Variants in ZGPAT observed in about 807,000 individuals in gnomAD.
ZGPAT encodes the protein zinc finger CCCH-type and G-patch domain containing, also known as zinc finger CCCH-type with G patch domain-containing protein.
In ZGPAT, 39 loss-of-function variants were observed where a neutral mutation model predicts 47.9. That is an observed-to-expected ratio of 0.81 (90% CI 0.63 to 1.06). The LOEUF is 1.06. Ranked by LOEUF, ZGPAT falls within the 50% of genes least tolerant of loss-of-function variation. The pLI is 0.00. For missense variants in ZGPAT, 717 were observed against 681.4 expected, an observed-to-expected ratio of 1.05 and a Z score of -0.58; for synonymous variants, 348 against 292.9, an observed-to-expected ratio of 1.19 and a Z score of -1.92.
chr20:63,733,105 C>CGT, intron 2 of ZGPAT, 114 bp from the exon 3 acceptor site: 1 of 1,387,608 alleles, frequency 7.2e-7, no homozygotes, highest in African/African-American at 1.4e-5. Context: ...TATACGCACG[C>CGT]GTGTGTGTCT....
intron 2 of ZGPAT, among the ~76,000 whole-genome samples, chr20:63,718,451 G>A (rs1050518208): frequency 3.3e-5 from 5 of 151,702 alleles, no homozygotes; most frequent in African/African-American, 1.2e-4. Context: ...TCCCACCTCA[G>A]CCTTCCCAGT....
At chr20:63,713,928 C>G (rs1458324384) in intron 2 of ZGPAT, among the ~76,000 whole-genome samples, 3 of 150,278 alleles carry the variant, frequency 2.0e-5, no homozygotes, top group Non-Finnish European at 4.4e-5. Context: ...GTATTGATTG[C>G]TGAATTGGTT....
At chr20:63,718,231 A>G (rs1052345756) in intron 2 of ZGPAT, among the ~76,000 whole-genome samples, 2 of 151,964 alleles carry the variant, frequency 1.3e-5, no homozygotes, top group African/African-American at 2.4e-5. Flanking sequence ...CATTGATCTC[A>G]AGACATCCTA....
chr20:63,709,312 C>T (rs947408189), intron 2 of ZGPAT, 148 bp downstream of exon 2: 2 of 864,482 alleles, frequency 2.3e-6, no homozygotes, highest in Middle Eastern at 3.4e-4. Flanking sequence ...TGTGTTCAGG[C>T]GTCTACGTCT....
At chr20:63,713,367 A>C (rs2091690746) in intron 2 of ZGPAT, among the ~76,000 whole-genome samples, 1 of 151,924 alleles carries the variant, frequency 6.6e-6, no homozygotes, top group Non-Finnish European at 1.5e-5. Context: ...AGTCGCTGGG[A>C]ATACAGGTGC....
At chr20:63,721,347 G>T (rs963465545) in intron 2 of ZGPAT, among the ~76,000 whole-genome samples, 2 of 142,380 alleles carry the variant, frequency 1.4e-5, no homozygotes, top group East Asian at 2.4e-4. Context: ...GCGAGACTCT[G>T]TCTCAAATAA....
intron 2 of ZGPAT, among the ~76,000 whole-genome samples, chr20:63,718,949 C>G (rs548313929): frequency 3.4e-4 from 51 of 152,008 alleles, no homozygotes; most frequent in Middle Eastern, 6.8e-3. Flanking sequence ...GCCTGTAGTC[C>G]CAGCTACTCG....
Position 63,708,645 on chromosome 20 carries a change from T to A in ZGPAT, c.65T>A (p.Leu22Gln). 2 of 1,612,290 alleles carry A rather than the reference T, an allele frequency of 1.2e-6. No homozygotes were observed. Among genetic ancestry groups the A allele is most frequent in the Non-Finnish European group, 1.7e-6 (2 of 1,179,634 alleles). ...CGTGCGCAGCTGCAGCAGGTGGAGC[T>A]GGCCTTGGGCGCCGGCCTGGATTCG... ...TYRAQLQQVE[L>Q]ALGAGLDSSE... Residue 22 changes from leucine to glutamine, a missense_variant, in exon 2 of 7, where the codon CTG becomes CAG. By Grantham distance (113) the Leu-to-Gln change is moderately radical. Coordinates refer to ENST00000355969, the MANE Select transcript of ZGPAT (RefSeq NM_181485.3).
intron 2 of ZGPAT, among the ~76,000 whole-genome samples, chr20:63,709,623 C>T (rs1326528463): frequency 2.0e-5 from 3 of 151,998 alleles, no homozygotes; most frequent in African/African-American, 7.3e-5. Flanking sequence ...AGCAGCAGTG[C>T]AAGGCTTATG....
rs188750306 is a variant in ZGPAT, at chr20:63,736,024, C to T, written c.*105C>T. 33 of 1,490,994 alleles carry T rather than the reference C, an allele frequency of 2.2e-5. No individual in the cohort carries two copies. The highest frequency in any genetic ancestry group is 1.8e-4 in the Middle Eastern group (1 of 5,570). The allele number at this position is 1,490,994 out of a possible 1,614,324, so 92.4% of individuals were successfully genotyped here. The stretch of plus-strand genomic sequence containing the variant: ...GGCCGGCCTGCTGGCCTGGGGCGTG[C>T]AGACACTGCTGAGTGGAGACAGAGC... On this transcript the variant is annotated 3_prime_UTR_variant, in exon 7 of 7. Transcript: ENST00000355969.
intron 2 of ZGPAT, 135 bp from the exon 3 acceptor site, chr20:63,733,084 G>C: frequency 8.8e-7 from 1 of 1,130,064 alleles, no homozygotes; most frequent in East Asian, 2.5e-5. Context: ...GAGTGTGTGA[G>C]AGTGTGTATG....
At position 63,709,026 on chromosome 20, in the gene ZGPAT, A is replaced by G. The variant is rs2091617542; in HGVS notation, c.446A>G (p.Asn149Ser). The G allele has an allele frequency of 8.1e-6, 13 of 1,613,632 alleles. No homozygotes were observed. The highest frequency in any genetic ancestry group is 9.3e-6 in the Non-Finnish European group (11 of 1,179,984). ...YSSWGTLEYH[N>S]AMVVGTEEAE... ...TCCTGGGGCACTCTGGAGTATCACA[A>G]CGCCATGGTGGTGGGAACGGAAGAG... The change falls in exon 2 of 7, where the codon AAC (asparagine) becomes AGC (serine). Residue 149 changes from asparagine (N) to serine (S), a missense_variant. By Grantham distance (46) the Asn-to-Ser change is conservative. Coordinates refer to ENST00000355969, the MANE Select transcript of ZGPAT (RefSeq NM_181485.3).
At chr20:63,730,050 AAT>A (rs2091882223) in intron 2 of ZGPAT, 1 of 152,354 alleles carries the variant, frequency 6.6e-6, no homozygotes. Context: ...ACACACACAA[AAT>A]AATAGAAGCA....
At chr20:63,710,382 G>C (rs1161381745) in intron 2 of ZGPAT, among the ~76,000 whole-genome samples, 3 of 151,314 alleles carry the variant, frequency 2.0e-5, no homozygotes. Context: ...TTGAACTCCT[G>C]ACCTCGTGAT....
chr20:63,716,404 C>G (rs2091729159), intron 2 of ZGPAT, among the ~76,000 whole-genome samples: 2 of 152,126 alleles, frequency 1.3e-5, no homozygotes, highest in South Asian at 4.1e-4. Flanking sequence ...TAATCTGTTA[C>G]CATACAATTG....
chr20:63,731,621 G>T (rs2091904680), intron 2 of ZGPAT, among the ~76,000 whole-genome samples: 1 of 151,640 alleles, frequency 6.6e-6, no homozygotes, highest in Admixed American at 6.6e-5. Context: ...TGGTGTGTGT[G>T]TGATTGTGCA....
intron 2 of ZGPAT, among the ~76,000 whole-genome samples, chr20:63,728,739 A>G (rs1054981883): frequency 6.6e-6 from 1 of 152,178 alleles, no homozygotes; most frequent in African/African-American, 2.4e-5. Flanking sequence ...ACTTTTAACT[A>G]CGAGGCCTGG....
At position 63,715,356 on chromosome 20, in the gene ZGPAT, C is replaced by T. The variant is rs1415736716; in HGVS notation, c.584+6192C>T. On this transcript the variant is annotated intron_variant, in intron 2 of 6. Coordinates refer to ENST00000355969, the MANE Select transcript of ZGPAT (RefSeq NM_181485.3). Reference sequence around the variant, plus strand: ...CCGGGTTCAAGCAATTCTCCTGCCTCAGCCTCCTGAGTAGCTGGGACTACA... The same window carrying T: ...CCGGGTTCAAGCAATTCTCCTGCCTTAGCCTCCTGAGTAGCTGGGACTACA... Among the ~76,000 whole-genome samples the T allele has an allele frequency of 4.6e-5, 7 of 151,600 alleles. No homozygotes were observed. The Admixed American group carries it at 4.6e-4, about 10-fold the overall frequency.
At chr20:63,719,994 A>C (rs1384921597) in intron 2 of ZGPAT, among the ~76,000 whole-genome samples, 4 of 152,038 alleles carry the variant, frequency 2.6e-5, no homozygotes, top group African/African-American at 9.7e-5. Context: ...TGTCCGCCTC[A>C]GCCTCCCAAA....
Sources: allele counts gnomAD v4.1 joint callset (sites outside exome capture counted in the v4.1 genomes callset), GRCh38; gene constraint gnomAD v4.1.1; transcripts MANE v1.5; gene names NCBI Gene and HGNC (gene_info 2026-07-23, HGNC 2026-07-21).